VTCN1: variants seen among roughly 807,000 people sequenced by gnomAD.
VTCN1 encodes the protein V-set domain containing T cell activation inhibitor 1.
In VTCN1, 26 loss-of-function variants were observed where a neutral mutation model predicts 26.5. The ratio of observed to expected loss-of-function variants is 0.98; its 90% CI spans 0.72 to 1.36. VTCN1 has a LOEUF of 1.36. Among genes scored for constraint, VTCN1 ranks in the 40% most tolerant of loss-of-function variants. VTCN1 has a pLI of 0.00. For synonymous variants in VTCN1, 116 were observed against 130.7 expected, an observed-to-expected ratio of 0.89 and a Z score of 0.77; for missense variants, 298 against 337.7, an observed-to-expected ratio of 0.88 and a Z score of 0.92.
At chr1:117,186,203 T>C (rs1647934589) in intron 1 of VTCN1, among the ~76,000 whole-genome samples, 1 of 152,236 alleles carries the variant, frequency 6.6e-6, no homozygotes. Flanking sequence ...AGGCATAGTT[T>C]GGCTTCATAG....
rs7545045 is a variant in VTCN1 at position 117,175,621 on chromosome 1, G to A, written c.33-5450C>T. ...GAAAAGGCATGTGAACCAACACAAC[G>A]TCCATGTTGTCCTGCCATCATTCCC... On this transcript the variant is annotated intron_variant, in intron 1 of 5. Coordinates refer to ENST00000369458, the MANE Select transcript of VTCN1 (RefSeq NM_024626.4). The surrounding 1 kb of genome is among the most constrained non-coding windows in gnomAD (Gnocchi z 4.2). Among the ~76,000 whole-genome samples, 5,235 of 152,178 alleles carry A rather than the reference G, an allele frequency of 0.034. 295 individuals are homozygous for A. Among genetic ancestry groups the A allele is most frequent in the African/African-American group, 0.12 (4,917 of 41,506 alleles).
rs1378381718 is a variant in VTCN1 at position 117,210,870 on chromosome 1, C to T, written c.-15G>A. On this transcript the variant is annotated 5_prime_UTR_variant, in exon 1 of 6. Coordinates refer to ENST00000369458, the MANE Select transcript of VTCN1 (RefSeq NM_024626.4). Reference sequence around the variant, plus strand: ...AGGGAAGCCATGGCTGGGGAAGGTTCCCAGCGTATCTGGGTACTGGCTGAG... The same window carrying T: ...AGGGAAGCCATGGCTGGGGAAGGTTTCCAGCGTATCTGGGTACTGGCTGAG... 3 of 1,614,066 alleles carry T rather than the reference C, an allele frequency of 1.9e-6. No individual in the cohort carries two copies.
chr1:117,173,261 T>C (rs1050336404), intron 1 of VTCN1: 4 of 698,452 alleles, frequency 5.7e-6, no homozygotes, highest in African/African-American at 3.5e-5. Flanking sequence ...CCGGACACAA[T>C]TGCAGATGTA....
chr1:117,185,487 T>C (rs577836136), intron 1 of VTCN1, among the ~76,000 whole-genome samples: 1 of 151,732 alleles, frequency 6.6e-6, no homozygotes, highest in South Asian at 2.1e-4. Flanking sequence ...ACCACCTGAA[T>C]GGACCCCTCC....
At chr1:117,156,389 C>G (rs1025767644) in intron 3 of VTCN1, among the ~76,000 whole-genome samples, 185 bp downstream of exon 3, 41 of 152,192 alleles carry the variant, frequency 2.7e-4, no homozygotes, top group African/African-American at 9.7e-4. Context: ...TTTAAGGCCT[C>G]TCTTATAGTT....
chr1:117,192,634 A>G (rs947302621), intron 1 of VTCN1, among the ~76,000 whole-genome samples: 1 of 152,228 alleles, frequency 6.6e-6, no homozygotes, highest in African/African-American at 2.4e-5. Flanking sequence ...TGTGACATTA[A>G]TATCATAAGA....
At position 117,210,906 on chromosome 1, in the gene VTCN1, G is replaced by T. The variant is rs3738414; in HGVS notation, c.-51C>A. On this transcript the variant is annotated 5_prime_UTR_variant, in exon 1 of 6. Coordinates refer to ENST00000369458, the MANE Select transcript of VTCN1 (RefSeq NM_024626.4). The stretch of plus-strand genomic sequence containing the variant: ...TGGGTACTGGCTGAGTGGAGCTGCC[G>T]CTGCCTTCCTTGGTGACTCACAACC... 2 of 1,600,210 alleles carry T rather than the reference G, an allele frequency of 1.2e-6. No individual in the cohort carries two copies. The highest frequency in any genetic ancestry group is 2.2e-5 in the East Asian group (1 of 44,814).
At chr1:117,170,825 T>G (rs1652869715) in intron 1 of VTCN1, among the ~76,000 whole-genome samples, 1 of 152,238 alleles carries the variant, frequency 6.6e-6, no homozygotes, top group East Asian at 1.9e-4. Flanking sequence ...TGTTTTGATA[T>G]AATCCTCACC....
At chr1:117,198,504 T>C (rs1240463367) in intron 1 of VTCN1, among the ~76,000 whole-genome samples, 3 of 152,194 alleles carry the variant, frequency 2.0e-5, no homozygotes, top group African/African-American at 7.2e-5. Flanking sequence ...TTCCCTGTCT[T>C]AGACATTTGG....
intron 4 of VTCN1, among the ~76,000 whole-genome samples, chr1:117,152,438 A>G (rs1651847955): frequency 6.6e-6 from 1 of 152,154 alleles, no homozygotes; most frequent in African/African-American, 2.4e-5. Context: ...CAGTCTATGC[A>G]TTTTCTTGAT....
chr1:117,171,772 ACACAGGGAGATTAAG>A (rs1314289729), intron 1 of VTCN1, among the ~76,000 whole-genome samples: 1 of 152,222 alleles, frequency 6.6e-6, no homozygotes, highest in Non-Finnish European at 1.5e-5. Context: ...TGGGGAAGTG[ACACAGGGAGATTAAG>A]CATCTTCCCT....
intron 1 of VTCN1, among the ~76,000 whole-genome samples, chr1:117,172,835 T>C (rs961419455): frequency 7.6e-6 from 1 of 132,334 alleles, no homozygotes; most frequent in African/African-American, 2.6e-5. Flanking sequence ...ATCAGCACTC[T>C]GTATTTAGCT....
intron 1 of VTCN1, among the ~76,000 whole-genome samples, chr1:117,207,793 T>G (rs1295520664): frequency 2.0e-5 from 3 of 152,200 alleles, no homozygotes; most frequent in Non-Finnish European, 4.4e-5. Context: ...ACTCTTATTC[T>G]GCAGCATCCT....
chr1:117,153,454 T>A, intron 3 of VTCN1, 85 bp from the exon 4 acceptor site: 10 of 1,397,798 alleles, frequency 7.2e-6, no homozygotes, highest in Middle Eastern at 2.4e-4. Context: ...GCCTTAAAAA[T>A]GCAGTCATTT....
chr1:117,200,329 G>A (rs1426501947), intron 1 of VTCN1, among the ~76,000 whole-genome samples: 1 of 152,128 alleles, frequency 6.6e-6, no homozygotes, highest in South Asian at 2.1e-4. Flanking sequence ...AGCCTGGGAG[G>A]TCAAGGCTAC....
At chr1:117,152,166 T>A (rs1358408871) in intron 4 of VTCN1, among the ~76,000 whole-genome samples, 1 of 152,206 alleles carries the variant, frequency 6.6e-6, no homozygotes, top group Non-Finnish European at 1.5e-5. Context: ...CTTTTGTGTG[T>A]GTGAGTGTAA....
intron 2 of VTCN1, among the ~76,000 whole-genome samples, chr1:117,163,427 C>T (rs1652469640): frequency 6.6e-6 from 1 of 152,160 alleles, no homozygotes; most frequent in Non-Finnish European, 1.5e-5. Context: ...CCTGAATTGC[C>T]ACATGCTAAA....
At chr1:117,205,456 C>A (rs528749580) in intron 1 of VTCN1, among the ~76,000 whole-genome samples, 2 of 152,120 alleles carry the variant, frequency 1.3e-5, no homozygotes, top group East Asian at 3.9e-4. Flanking sequence ...AGCCACCATG[C>A]CTGGCCAGCA....
intron 2 of VTCN1, among the ~76,000 whole-genome samples, chr1:117,168,144 G>A (rs1652711342): frequency 6.6e-6 from 1 of 152,132 alleles, no homozygotes. Context: ...ACAGGCTAGT[G>A]ATTTCAGAAA....
Sources: gnomAD v4.1 joint callset for allele counts (sites outside exome capture counted in the v4.1 genomes callset) on GRCh38, gnomAD v4.1.1 for gene constraint, Gnocchi (gnomAD v3.1) non-coding constraint, MANE v1.5 for transcripts, NCBI Gene and HGNC (gene_info 2026-07-23, HGNC 2026-07-21) for gene names.